The following SYT1 variants were observed in gnomAD, a reference collection of about 807,000 sequenced individuals.
The protein encoded by SYT1 is synaptotagmin 1.
Under a neutral mutation model 44.8 loss-of-function variants are expected in SYT1, and 8 were observed. That is an observed-to-expected ratio of 0.18 (90% CI 0.10 to 0.32). The LOEUF (loss-of-function observed/expected upper bound fraction) is 0.32. Among genes scored for constraint, SYT1 ranks in the 10% least tolerant of loss-of-function variants. The pLI, the probability that SYT1 is intolerant of heterozygous loss-of-function variation, is 1.00. For synonymous variants in SYT1, 154 were observed against 188.8 expected (o/e 0.82, Z 1.51); for missense variants, 286 against 509.3 (o/e 0.56, Z 4.22).
chr12:79,076,329 CCTT>C (rs1876646387), intron 3 of SYT1, among the ~76,000 whole-genome samples: 1 of 152,048 alleles, frequency 6.6e-6, no homozygotes. Context: ...GTGACCGTGA[CCTT>C]CTTGCTTCTG....
chr12:79,396,103 T>A (rs1048834126), intron 9 of SYT1, among the ~76,000 whole-genome samples: 1 of 152,138 alleles, frequency 6.6e-6, no homozygotes, highest in African/African-American at 2.4e-5. Context: ...TTTTAATACT[T>A]TAGAAATTGA....
At chr12:79,039,300 T>C (rs1873353891) in intron 2 of SYT1, among the ~76,000 whole-genome samples, 1 of 152,024 alleles carries the variant, frequency 6.6e-6, no homozygotes, top group Non-Finnish European at 1.5e-5. Context: ...CAACCCTACC[T>C]AAACAGATTA....
intron 2 of SYT1, among the ~76,000 whole-genome samples, chr12:79,038,454 C>T (rs368319438): frequency 1.4e-3 from 210 of 151,800 alleles, no homozygotes; most frequent in Middle Eastern, 6.8e-3. Context: ...TGTTGAAAAG[C>T]TTACATTAAC....
intron 8 of SYT1, chr12:79,341,412 A>G (rs1018290686): frequency 1.3e-5 from 2 of 152,148 alleles, no homozygotes; most frequent in African/African-American, 4.8e-5. Context: ...TGAGGTCACT[A>G]TCACAGACAT....
intron 3 of SYT1, among the ~76,000 whole-genome samples, chr12:79,152,386 G>A (rs1344108637): frequency 6.6e-6 from 1 of 152,082 alleles, no homozygotes; most frequent in Non-Finnish European, 1.5e-5. Flanking sequence ...CTATTGGCAT[G>A]GAAGGGTGGT....
chr12:79,419,436 A>G (rs908914092), intron 9 of SYT1: 1 of 356,326 alleles, frequency 2.8e-6, no homozygotes, highest in African/African-American at 2.2e-5. Context: ...GTGGGATCAC[A>G]CTGGCTAACA....
intron 9 of SYT1, among the ~76,000 whole-genome samples, chr12:79,379,855 C>A (rs1884145783): frequency 6.6e-6 from 1 of 152,154 alleles, no homozygotes. Flanking sequence ...CTTAATACTT[C>A]ACATGTACTA....
intron 2 of SYT1, among the ~76,000 whole-genome samples, chr12:79,000,313 GAC>G (rs1870654090): frequency 1.3e-5 from 1 of 78,438 alleles, no homozygotes; most frequent in Non-Finnish European, 2.4e-5. Flanking sequence ...TTTTTTTTGT[GAC>G]AGAGTTTCGC....
intron 2 of SYT1, among the ~76,000 whole-genome samples, chr12:79,040,884 C>G (rs1873507129): frequency 6.7e-6 from 1 of 149,862 alleles, no homozygotes; most frequent in Non-Finnish European, 1.5e-5. Context: ...ATAGGGAATC[C>G]TTTCCCCATT....
In SYT1 at chr12:78,973,939, ATATATATATATATATATATATATATATAT is replaced by A. The variant is rs1431869982; in HGVS notation, c.-216-3859_-216-3831del. On this transcript the variant is annotated intron_variant, in intron 1 of 10. Transcript: ENST00000261205. Reference sequence around the variant, plus strand: ...ACCAAAAAAAAAAAAAAAAAAAAAAATATATATATATATATATATATATATATATATATATATATATATATATATGCAGT... The same window carrying A: ...ACCAAAAAAAAAAAAAAAAAAAAAAAATATATATATATATATATATGCAGT... Among the ~76,000 whole-genome samples, 2 of 11,402 alleles carry A rather than the reference ATATATATATATATATATATATATATATAT, an allele frequency of 1.8e-4. 1 individual carries two copies. The highest frequency in any genetic ancestry group is 2.5e-4 in the Non-Finnish European group (2 of 7,944). 7.5% of individuals were successfully genotyped at this position (11,402 alleles called of 152,430 possible). A position where few individuals can be genotyped will look rare whatever the true frequency, so the allele number is the denominator to read the frequency against.
intron 1 of SYT1, among the ~76,000 whole-genome samples, chr12:78,945,518 T>A (rs916559239): frequency 4.0e-5 from 6 of 151,546 alleles, no homozygotes; most frequent in African/African-American, 1.5e-4. Flanking sequence ...CTTTATAAAA[T>A]TACACAATTT....
intron 3 of SYT1, among the ~76,000 whole-genome samples, chr12:79,158,724 C>A (rs960179135): frequency 6.6e-6 from 1 of 151,928 alleles, no homozygotes; most frequent in African/African-American, 2.4e-5. Context: ...ATGGTGAAAA[C>A]CCATCTCTAC....
intron 9 of SYT1, among the ~76,000 whole-genome samples, chr12:79,415,263 T>G (rs1248825178): frequency 6.6e-6 from 1 of 152,132 alleles, no homozygotes; most frequent in Non-Finnish European, 1.5e-5. Context: ...TTCAGAAATT[T>G]TTCATACATG....
At chr12:79,213,021 T>G (rs1874554341) in intron 3 of SYT1, among the ~76,000 whole-genome samples, 2 of 152,240 alleles carry the variant, frequency 1.3e-5, no homozygotes, top group Admixed American at 1.3e-4. Flanking sequence ...TAGCCCCTTT[T>G]GGTGTTATTT....
At chr12:78,910,443 C>T (rs1047369444) in intron 1 of SYT1, among the ~76,000 whole-genome samples, 3 of 152,048 alleles carry the variant, frequency 2.0e-5, no homozygotes, top group Admixed American at 6.6e-5. Flanking sequence ...AATAAAAAGG[C>T]TTAGGGATTT....
chr12:79,300,746 G>T (rs1337585805), intron 8 of SYT1, among the ~76,000 whole-genome samples: 1 of 140,912 alleles, frequency 7.1e-6, no homozygotes, highest in Non-Finnish European at 1.5e-5. Flanking sequence ...AAAAAAGAGA[G>T]CAGAGCTTAA....
At chr12:79,067,587 A>G (rs1457360482) in intron 3 of SYT1, among the ~76,000 whole-genome samples, 1 of 152,214 alleles carries the variant, frequency 6.6e-6, no homozygotes, top group Non-Finnish European at 1.5e-5. Context: ...AAACTTTTAC[A>G]TTAACTTTGA....
intron 4 of SYT1, among the ~76,000 whole-genome samples, chr12:79,255,289 A>G (rs1005823900): frequency 2.6e-5 from 4 of 152,242 alleles, no homozygotes; most frequent in Admixed American, 2.0e-4. Flanking sequence ...GCAAAAGATT[A>G]TGACTTGCTG....
chr12:79,166,312 C>T (rs1177958788), intron 3 of SYT1, among the ~76,000 whole-genome samples: 1 of 151,932 alleles, frequency 6.6e-6, no homozygotes, highest in East Asian at 1.9e-4. Flanking sequence ...ATGGTAAACT[C>T]TATCATAATT....
Sources: gnomAD v4.1 joint callset for allele counts (sites outside exome capture counted in the v4.1 genomes callset) on GRCh38, gnomAD v4.1.1 for gene constraint, MANE v1.5 for transcripts, NCBI Gene and HGNC (gene_info 2026-07-23, HGNC 2026-07-21) for gene names.